Variants in ZFC3H1 observed in about 807,000 individuals in gnomAD.
ZFC3H1 encodes the protein zinc finger C3H1 domain-containing protein.
ZFC3H1 carries 71 observed loss-of-function variants against 243.7 expected under a neutral mutation model. The ratio of observed to expected loss-of-function variants is 0.29; its 90% confidence interval spans 0.24 to 0.36. The LOEUF (loss-of-function observed/expected upper bound fraction) is 0.36, where lower values mean the gene tolerates loss of function less well. ZFC3H1 is among the 10% of genes least tolerant of loss of function. The pLI, the probability that ZFC3H1 is intolerant of heterozygous loss-of-function variation, is 1.00. For synonymous variants in ZFC3H1, 838 were observed against 813.0 expected (o/e 1.03, Z -0.52); for missense variants, 1,966 against 2,317.1 (o/e 0.85, Z 3.11).
chr12:71,611,986 T>C, intron 31 of ZFC3H1, 99 bp from the exon 32 acceptor site: 2 of 643,298 alleles, frequency 3.1e-6, no homozygotes, highest in South Asian at 2.0e-5. Context: ...TTTTGATTAG[T>C]TAAATTCCAT....
intron 6 of ZFC3H1, among the ~76,000 whole-genome samples, chr12:71,641,274 A>T (rs1041618697): frequency 3.9e-5 from 6 of 152,250 alleles, no homozygotes; most frequent in African/African-American, 1.4e-4. Context: ...ATCAAAACAT[A>T]ATATAAGACT....
Position 71,656,361 on chromosome 12 carries a change from T to C in ZFC3H1, c.1015+524A>G, listed in dbSNP as rs187389997. ...TCCATGATTTAAAAATGGTATATCATAAACTGTATTAAACGCAAGCATACA... is the reference window on the plus strand; with the variant it reads ...TCCATGATTTAAAAATGGTATATCACAAACTGTATTAAACGCAAGCATACA... On this transcript the variant is annotated intron_variant, in intron 2 of 34. Transcript: ENST00000378743. The C allele has an allele frequency of 9.0e-6, 4 of 446,596 alleles. No individual in the cohort carries two copies. The East Asian group carries it at 1.4e-4, about 15-fold the overall frequency. The allele number at this position is 446,596 out of a possible 1,614,324, so 27.7% of individuals were successfully genotyped here. A position where few individuals can be genotyped will look rare whatever the true frequency, so the allele number is the denominator to read the frequency against.
At chr12:71,651,255 T>C (rs1038238361) in intron 2 of ZFC3H1, among the ~76,000 whole-genome samples, 1 of 152,236 alleles carries the variant, frequency 6.6e-6, no homozygotes, top group African/African-American at 2.4e-5. Flanking sequence ...GATATCCATT[T>C]GGCTATTCCT....
intron 6 of ZFC3H1, among the ~76,000 whole-genome samples, chr12:71,638,951 A>G (rs1037535274): frequency 3.3e-5 from 5 of 152,212 alleles, no homozygotes; most frequent in African/African-American, 1.2e-4. Context: ...CTTCTTGTGG[A>G]GCAAAAGAAA....
chr12:71,656,128 G>A (rs922471905), intron 2 of ZFC3H1, among the ~76,000 whole-genome samples: 4 of 152,160 alleles, frequency 2.6e-5, no homozygotes, highest in African/African-American at 9.7e-5. Context: ...AGGGCTGAGG[G>A]ACGGGATAAC....
At chr12:71,660,475 C>A (rs998460948) in intron 1 of ZFC3H1, 1 of 150,070 alleles carries the variant, frequency 6.7e-6, no homozygotes, top group Admixed American at 6.7e-5. Flanking sequence ...CAAGTTACTA[C>A]GGAAATCAAA....
intron 20 of ZFC3H1, 54 bp from the exon 21 acceptor site, chr12:71,627,988 A>G (rs1880213072): frequency 1.1e-5 from 16 of 1,516,606 alleles, no homozygotes; most frequent in East Asian, 2.3e-5. Context: ...CCACAGATGC[A>G]AGAAAAAGAA....
At chr12:71,613,202 G>T in intron 31 of ZFC3H1, 133 bp downstream of exon 31, 1 of 562,672 alleles carries the variant, frequency 1.8e-6, no homozygotes, top group Non-Finnish European at 2.8e-6. Context: ...TAACAACTCT[G>T]AAATTAAGCA....
chr12:71,644,139 G>T lies in ZFC3H1; in HGVS notation c.1459C>A (p.Arg487=), dbSNP rs751876373. 1.2e-6 allele frequency: 2 copies of T among 1,613,778 alleles called. No individual in the cohort carries two copies. The highest frequency in any genetic ancestry group is 1.7e-6 in the Non-Finnish European group (2 of 1,179,886). Residue 487 remains arginine (R), a synonymous_variant, in exon 5 of 35, where the codon CGA becomes AGA. Coordinates refer to ENST00000378743, the MANE Select transcript of ZFC3H1 (RefSeq NM_144982.5). ...DLSNQEEQYN[R]FMKLVGGKRR... Reference sequence around the variant, plus strand: ...TTGCCACCAACCAATTTCATGAATCGATTGTACTGTTCTTCCTGATTTGAG... The same window carrying T: ...TTGCCACCAACCAATTTCATGAATCTATTGTACTGTTCTTCCTGATTTGAG...
chr12:71,644,470 C>A (rs1281960890), intron 4 of ZFC3H1, 152 bp from the exon 5 acceptor site: 2 of 812,688 alleles, frequency 2.5e-6, no homozygotes, highest in African/African-American at 3.5e-5. Context: ...CCTGTAATTC[C>A]CCAAACTCAA....
At chr12:71,640,528 T>A (rs1565819806) in intron 6 of ZFC3H1, among the ~76,000 whole-genome samples, 1 of 152,200 alleles carries the variant, frequency 6.6e-6, no homozygotes, top group Non-Finnish European at 1.5e-5. Flanking sequence ...CCAGTGGTGC[T>A]CAAGGTATTT....
chr12:71,645,133 T>C (rs1880696762), intron 3 of ZFC3H1, 58 bp from the exon 4 acceptor site: 1 of 1,449,202 alleles, frequency 6.9e-7, no homozygotes, highest in South Asian at 1.4e-5. Flanking sequence ...GCTTACACAT[T>C]TCATCAAGTC....
At chr12:71,639,687 TA>T (rs1404750931) in intron 6 of ZFC3H1, among the ~76,000 whole-genome samples, 5 of 152,138 alleles carry the variant, frequency 3.3e-5, no homozygotes, top group Admixed American at 2.0e-4. Flanking sequence ...GGTCAGCCAC[TA>T]GGGGGTCTGA....
chr12:71,615,130 C>G, intron 28 of ZFC3H1, 76 bp downstream of exon 28: 4 of 1,291,354 alleles, frequency 3.1e-6, no homozygotes, highest in Non-Finnish European at 4.4e-6. Flanking sequence ...TTAATTATAA[C>G]AAACACAGTG....
At chr12:71,612,454 T>C (rs1391293420) in intron 31 of ZFC3H1, among the ~76,000 whole-genome samples, 1 of 152,196 alleles carries the variant, frequency 6.6e-6, no homozygotes, top group Non-Finnish European at 1.5e-5. Flanking sequence ...TGACATTTTC[T>C]ATTTCACGTT....
chr12:71,662,870 C>A, intron 1 of ZFC3H1, 143 bp downstream of exon 1: 1 of 877,488 alleles, frequency 1.1e-6, no homozygotes, highest in Non-Finnish European at 1.8e-6. Flanking sequence ...GGGGAATTAC[C>A]AAAGAACAAC....
intron 2 of ZFC3H1, among the ~76,000 whole-genome samples, chr12:71,651,140 G>C (rs917536485): frequency 6.6e-6 from 1 of 152,210 alleles, no homozygotes; most frequent in Non-Finnish European, 1.5e-5. Context: ...GGTAGAGACT[G>C]AGAATTTGTG....
At chr12:71,656,836 C>CT in intron 2 of ZFC3H1, 49 bp downstream of exon 2, 1 of 1,535,530 alleles carries the variant, frequency 6.5e-7, no homozygotes, top group Non-Finnish European at 8.8e-7. Context: ...GTAGTTACTA[C>CT]TTTAGAGGAA....
chr12:71,612,294 TA>T (rs1879793260), intron 31 of ZFC3H1, among the ~76,000 whole-genome samples: 1 of 152,116 alleles, frequency 6.6e-6, no homozygotes, highest in Non-Finnish European at 1.5e-5. Flanking sequence ...TAGTAACTAT[TA>T]AAGTTCTTTA....
Sources: allele counts gnomAD v4.1 joint callset (sites outside exome capture counted in the v4.1 genomes callset), GRCh38; gene constraint gnomAD v4.1.1; transcripts MANE v1.5; gene names NCBI Gene and HGNC (gene_info 2026-07-23, HGNC 2026-07-21).